The following OCA2 variants were observed in gnomAD, a reference collection of about 807,000 sequenced individuals.
OCA2 encodes OCA2 melanosomal transmembrane protein.
In OCA2, 77 loss-of-function variants were observed where a neutral mutation model predicts 100.2. The observed-to-expected ratio is 0.77, with a 90% CI of 0.64 to 0.93. The LOEUF (loss-of-function observed/expected upper bound fraction) is 0.93, where lower values mean the gene tolerates loss of function less well. OCA2 is among the 40% of genes least tolerant of loss of function. The pLI, the probability that OCA2 is intolerant of heterozygous loss-of-function variation, is 0.00. For missense variants in OCA2, 1,062 were observed against 1,089.1 expected (o/e 0.98, Z 0.35); for synonymous variants, 432 against 439.2 (o/e 0.98, Z 0.21).
At chr15:27,909,887 A>G (rs2038320090) in intron 19 of OCA2, among the ~76,000 whole-genome samples, 1 of 152,208 alleles carries the variant, frequency 6.6e-6, no homozygotes, top group Admixed American at 6.5e-5. Context: ...GTGTCTTAAA[A>G]TTACATGACC....
intron 23 of OCA2, among the ~76,000 whole-genome samples, chr15:27,770,857 TC>T (rs2031727234): frequency 1.4e-4 from 11 of 77,948 alleles, no homozygotes; most frequent in Non-Finnish European, 1.4e-4. Flanking sequence ...TTCCTTCCTT[TC>T]TTCCTTCCTT....
intron 19 of OCA2, among the ~76,000 whole-genome samples, chr15:27,878,917 T>C (rs556426373): frequency 1.3e-5 from 2 of 152,256 alleles, no homozygotes; most frequent in East Asian, 1.9e-4. Context: ...CATAGGTAAA[T>C]GTGTGCCATG....
chr15:27,778,278 C>T (rs2032349717), intron 23 of OCA2, among the ~76,000 whole-genome samples: 1 of 152,198 alleles, frequency 6.6e-6, no homozygotes. Context: ...TTTTGCAACA[C>T]TGTTCAGTAG....
chr15:28,032,376 G>A (rs1213977686), intron 2 of OCA2, among the ~76,000 whole-genome samples: 3 of 152,206 alleles, frequency 2.0e-5, no homozygotes, highest in African/African-American at 7.2e-5. Flanking sequence ...GAAAATGCAT[G>A]GCAGAAACTC....
intron 23 of OCA2, among the ~76,000 whole-genome samples, chr15:27,824,598 CTCTCTA>C (rs1430242662): frequency 1.0e-4 from 4 of 39,736 alleles, no homozygotes; most frequent in African/African-American, 9.2e-4. Flanking sequence ...CTCTCTCTCT[CTCTCTA>C]TATATATATA....
intron 23 of OCA2, among the ~76,000 whole-genome samples, chr15:27,830,049 T>C (rs1397563372): frequency 6.6e-6 from 1 of 152,238 alleles, no homozygotes; most frequent in African/African-American, 2.4e-5. Context: ...TTTTAATTAA[T>C]TGAAATGATA....
At chr15:27,797,965 G>A (rs1055735770) in intron 23 of OCA2, among the ~76,000 whole-genome samples, 1 of 152,218 alleles carries the variant, frequency 6.6e-6, no homozygotes, top group African/African-American at 2.4e-5. Flanking sequence ...CCCGGGAGCT[G>A]ACCTGAGACA....
chr15:27,955,987 G>A (rs1228861728), intron 16 of OCA2, among the ~76,000 whole-genome samples: 1 of 152,218 alleles, frequency 6.6e-6, no homozygotes, highest in Non-Finnish European at 1.5e-5. Context: ...AGGCAGTCTG[G>A]GTCGTAAGAA....
intron 6 of OCA2, among the ~76,000 whole-genome samples, chr15:28,020,499 C>T (rs188922500): frequency 6.5e-4 from 99 of 152,220 alleles, no homozygotes; most frequent in Admixed American, 1.3e-3. Context: ...ATCTCCCCTT[C>T]CCCCTGCGGG....
chr15:27,736,886 G>GA, the OCA2 span, among the ~76,000 whole-genome samples: 1 of 151,958 alleles, frequency 6.6e-6, no homozygotes, highest in African/African-American at 2.4e-5. Context: ...GAATAGACTG[G>GA]AAAAAAAGAA....
intron 23 of OCA2, among the ~76,000 whole-genome samples, chr15:27,787,571 T>C (rs1056466826): frequency 6.6e-6 from 1 of 152,056 alleles, no homozygotes; most frequent in East Asian, 1.9e-4. Flanking sequence ...CTTATAACTT[T>C]TGAAAGGCTG....
intron 17 of OCA2, among the ~76,000 whole-genome samples, chr15:27,953,885 G>A (rs1232358823): frequency 6.6e-6 from 1 of 151,920 alleles, no homozygotes; most frequent in Non-Finnish European, 1.5e-5. Flanking sequence ...AGTACCCAAT[G>A]TGTAGTCTTT....
At chr15:28,060,607 G>A (rs1286081235) in intron 2 of OCA2, among the ~76,000 whole-genome samples, 1 of 152,160 alleles carries the variant, frequency 6.6e-6, no homozygotes, top group South Asian at 2.1e-4. Context: ...GACAAAACTT[G>A]TCAAAATCAA....
At chr15:28,063,202 T>G (rs1188859159) in intron 2 of OCA2, among the ~76,000 whole-genome samples, 2 of 152,192 alleles carry the variant, frequency 1.3e-5, no homozygotes, top group African/African-American at 4.8e-5. Flanking sequence ...TAAAGTCTAT[T>G]TTGTCCAATA....
chr15:27,799,949 G>A (rs1179948783), intron 23 of OCA2, among the ~76,000 whole-genome samples: 1 of 152,104 alleles, frequency 6.6e-6, no homozygotes, highest in East Asian at 1.9e-4. Context: ...GCAGGAAGGG[G>A]CCAGAGCACA....
intron 23 of OCA2, among the ~76,000 whole-genome samples, chr15:27,841,281 T>C (rs767129059): frequency 4.6e-5 from 7 of 152,158 alleles, no homozygotes; most frequent in Admixed American, 3.3e-4. Flanking sequence ...GGAGAAGAGA[T>C]TGGGGCAGGG....
At position 27,849,147 on chromosome 15, in the gene OCA2, G is replaced by A. The variant is rs879113066; in HGVS notation, c.2338+2235C>T. Among the ~76,000 whole-genome samples, 690 of 134,712 alleles carry A rather than the reference G, an allele frequency of 5.1e-3. 55 individuals are homozygous for A. The highest frequency in any genetic ancestry group is 0.017 in the African/African-American group (489 of 28,380). 88.4% of individuals were successfully genotyped at this position (134,712 alleles called of 152,430 possible). On this transcript the variant is annotated intron_variant, in intron 22 of 23. Coordinates refer to ENST00000354638, the MANE Select transcript of OCA2 (RefSeq NM_000275.3). ...AGCCACGTGCTGCCTGGGTTGGTGT[G>A]AACACAGCCACATGCTGCCTGGATT... is the stretch of plus-strand genomic sequence containing the variant.
At chr15:27,816,154 A>C (rs2034290992) in intron 23 of OCA2, among the ~76,000 whole-genome samples, 1 of 152,246 alleles carries the variant, frequency 6.6e-6, no homozygotes, top group Non-Finnish European at 1.5e-5. Flanking sequence ...AAACAAAATA[A>C]GAAAATAATT....
intron 23 of OCA2, among the ~76,000 whole-genome samples, chr15:27,807,131 G>C (rs535267476): frequency 1.3e-5 from 2 of 152,078 alleles, no homozygotes; most frequent in African/African-American, 4.8e-5. Flanking sequence ...ACCCATCCAC[G>C]GGCAGCCTGG....
Sources: gnomAD v4.1 joint callset for allele counts (sites outside exome capture counted in the v4.1 genomes callset) on GRCh38, gnomAD v4.1.1 for gene constraint, MANE v1.5 for transcripts, NCBI Gene and HGNC (gene_info 2026-07-23, HGNC 2026-07-21) for gene names.